The following SMC1A variants were observed in gnomAD, a reference collection of about 807,000 sequenced individuals.
SMC1A encodes the protein structural maintenance of chromosomes protein 1A.
Under a neutral mutation model 94.5 loss-of-function variants are expected in SMC1A, and 4 were observed. The ratio of observed to expected loss-of-function variants is 0.04; its 90% CI spans 0.02 to 0.10. SMC1A has a LOEUF of 0.10. Ranked by LOEUF, SMC1A falls within the 10% of genes least tolerant of loss-of-function variation. SMC1A has a pLI of 1.00. For synonymous variants in SMC1A, 345 were observed against 347.7 expected (o/e 0.99, Z 0.09); for missense variants, 304 against 989.0 (o/e 0.31, Z 9.29).
At chrX:53,394,731 T>TGGCCCCCCCCCCCCCCCCCC in intron 19 of SMC1A, 47 bp downstream of exon 19, 1 of 416,234 alleles carries the variant, frequency 2.4e-6, no homozygotes, top group Non-Finnish European at 4.4e-6. Context: ...ATAGTCCCAC[T>TGGCCCCCCCCCCCCCCCCCC]CCCACCCAAC....
At chrX:53,395,928 G>C (rs2075649269) in intron 18 of SMC1A, among the ~76,000 whole-genome samples, 1 of 111,008 alleles carries the variant, frequency 9.0e-6, no homozygotes, top group African/African-American at 3.3e-5. Flanking sequence ...TATAGCTCAG[G>C]TCCCTAAGGT....
In SMC1A at chrX:53,413,184, T is replaced by TG. The variant is rs782545926; in HGVS notation, c.615+47dup. ...TGGCAGGGGTGCATCGATAAGGCAC[T>TG]GGCTCCATCCTGGTCCCTCAGAGCC... On this transcript the variant is annotated intron_variant, in intron 4 of 24. Transcript: ENST00000322213. The TG allele has an allele frequency of 3.0e-4, 361 of 1,210,073 alleles. 3 individuals carry two copies. The highest frequency in any genetic ancestry group is 1.5e-4 in the Admixed American group (7 of 45,674).
intron 19 of SMC1A, among the ~76,000 whole-genome samples, chrX:53,391,957 T>C (rs2075631166): frequency 1.8e-5 from 2 of 110,345 alleles, no homozygotes; most frequent in South Asian, 3.9e-4. Context: ...TTACGACAAG[T>C]AGGCGTGACA....
intron 16 of SMC1A, among the ~76,000 whole-genome samples, chrX:53,397,158 T>G (rs2075654410): frequency 9.0e-6 from 1 of 111,553 alleles, no homozygotes; most frequent in African/African-American, 3.3e-5. Context: ...TTAAAGGGTC[T>G]GGAAGAATCA....
Position 53,383,262 on chromosome X carries a change from C to G in SMC1A, c.2974-9G>C. Reference sequence around the variant, plus strand: ...TCCTCAGCCTGGGCATCCTGTAAGCCCCAGGCCCAGCAATGTCAAGAAGGG... The same window carrying G: ...TCCTCAGCCTGGGCATCCTGTAAGCGCCAGGCCCAGCAATGTCAAGAAGGG... On this transcript the variant is annotated splice_polypyrimidine_tract_variant and intron_variant, in intron 19 of 24. Coordinates refer to ENST00000322213, the MANE Select transcript of SMC1A (RefSeq NM_006306.4). 3 of 1,166,632 alleles carry G rather than the reference C, an allele frequency of 2.6e-6. No individual in the cohort carries two copies. Among genetic ancestry groups the G allele is most frequent in the Non-Finnish European group, 3.4e-6 (3 of 872,882 alleles).
At position 53,405,916 on chromosome X, in the gene SMC1A, T is replaced by C. The variant is rs1569357187; in HGVS notation, c.1586A>G (p.Lys529Arg). Reference sequence around the variant, plus strand: ...AACCTTGGTTACAGCAATCTGATACTTCTTTTGTGTGGGCTGGCATAGGTC... The same window carrying C: ...AACCTTGGTTACAGCAATCTGATACCTCTTTTGTGTGGGCTGGCATAGGTC... ...LIDLCQPTQK[K>R]YQIAVTKVLG... Residue 529 changes from lysine to arginine, a missense_variant, in exon 10 of 25, where the codon AAG becomes AGG. By Grantham distance (26) the Lys-to-Arg change is conservative. Transcript: ENST00000322213. The C allele has an allele frequency of 4.1e-6, 5 of 1,211,774 alleles. No homozygotes were observed. The highest frequency in any genetic ancestry group is 3.4e-6 in the Non-Finnish European group (3 of 895,454).
chrX:53,415,256 G>A lies in SMC1A; in HGVS notation c.110-87C>T, dbSNP rs1602414595. On this transcript the variant is annotated intron_variant, in intron 1 of 24. Transcript: ENST00000322213. ...TAAAGATATTGAGATGAACAAAAAT[G>A]TCCCCTAATCACTCAGTACTCAGAC... 4 of 777,526 alleles carry A rather than the reference G, an allele frequency of 5.1e-6. No individual in the cohort carries two copies. In the East Asian group the frequency reaches 1.3e-4, roughly 25 times the overall value. 64.1% of individuals were successfully genotyped at this position (777,526 alleles called of 1,213,427 possible).
intron 1 of SMC1A, among the ~76,000 whole-genome samples, chrX:53,416,302 C>CAA (rs781824156): frequency 6.9e-5 from 4 of 58,080 alleles, no homozygotes; most frequent in African/African-American, 1.3e-4. Flanking sequence ...GACTCCATCT[C>CAA]AAAAAAAAAA....
intron 19 of SMC1A, among the ~76,000 whole-genome samples, chrX:53,389,419 GA>G (rs2146587981): frequency 9.0e-6 from 1 of 111,282 alleles, no homozygotes; most frequent in African/African-American, 3.3e-5. Context: ...GACCATCATG[GA>G]TGTGTAACAC....
intron 13 of SMC1A, 29 bp from the exon 14 acceptor site, chrX:53,403,922 C>T: frequency 9.6e-7 from 1 of 1,038,507 alleles, no homozygotes; most frequent in African/African-American, 1.8e-5. Context: ...GAGGACAAAG[C>T]AGACCAGGCT....
chrX:53,398,705 T>C (rs1169095745), intron 16 of SMC1A, among the ~76,000 whole-genome samples: 1 of 111,742 alleles, frequency 8.9e-6, no homozygotes, highest in Non-Finnish European at 1.9e-5. Context: ...TGTGTATTAC[T>C]AAAGTTTGAA....
rs1447414115 is a variant in SMC1A at position 53,382,969 on chromosome X, T to C, written c.3130+128A>G. 1.3e-5 allele frequency: 9 copies of C among 709,925 alleles called. No individual in the cohort carries two copies. The Admixed American group carries it at 2.5e-4, about 20-fold the overall frequency. 58.5% of individuals were successfully genotyped at this position (709,925 alleles called of 1,213,427 possible). On this transcript the variant is annotated intron_variant, in intron 20 of 24. Transcript: ENST00000322213. ...AGCAGGTGTAATAACCCCTACTGTT[T>C]AGGGCTCCTGAGAGTTTTAAGTAAG... is the stretch of plus-strand genomic sequence containing the variant.
At chrX:53,408,524 G>C (rs2075699218) in intron 9 of SMC1A, among the ~76,000 whole-genome samples, 1 of 111,698 alleles carries the variant, frequency 9.0e-6, no homozygotes, top group Non-Finnish European at 1.9e-5. Context: ...ACCCAGGTAT[G>C]GGATAATATT....
At position 53,415,143 on chromosome X, in the gene SMC1A, T is replaced by C; in HGVS notation, c.136A>G (p.Ser46Gly). The C allele has an allele frequency of 8.3e-7, 1 of 1,210,931 alleles. No individual in the cohort carries two copies. The change falls in exon 2 of 25, where the codon AGC (serine) becomes GGC (glycine). Residue 46 changes from serine to glycine, a missense_variant. Around this residue, in one of 11 missense-constraint regions of SMC1A, gnomAD observed 8 missense variants for 58.2 expected, o/e 0.14. Coordinates refer to ENST00000322213, the MANE Select transcript of SMC1A (RefSeq NM_006306.4). ...SGKSNLMDAI[S>G]FVLGEKTSNL... is the part of the protein sequence containing the mutation. ...CTGGTTTTTTCACCTAGCACAAAGC[T>C]GATGGCATCCATGAGATTTGACTTA...
rs1457113680 is a variant in SMC1A, at chrX:53,379,813, CCCA to C, written c.*287_*289del. 9.9e-6 allele frequency: 4 copies of C among 403,297 alleles called. No homozygotes were observed. Among genetic ancestry groups the C allele is most frequent in the Non-Finnish European group, 1.7e-5 (4 of 231,162 alleles). The allele number at this position is 403,297 out of a possible 1,213,427, so 33.2% of individuals were successfully genotyped here. A position where few individuals can be genotyped will look rare whatever the true frequency, so the allele number is the denominator to read the frequency against. Reference sequence around the variant, plus strand: ...CACAGTGGGCAAGAGGCCCAAGGGGCCCACGATTATGGGTGATGAGGGGGAGGA... The same window carrying C: ...CACAGTGGGCAAGAGGCCCAAGGGGCCGATTATGGGTGATGAGGGGGAGGA... On this transcript the variant is annotated 3_prime_UTR_variant, in exon 25 of 25. Coordinates refer to ENST00000322213, the MANE Select transcript of SMC1A (RefSeq NM_006306.4).
Position 53,412,932 on chromosome X carries a change from C to T in SMC1A, c.822G>A (p.Met274Ile). Residue 274 changes from methionine to isoleucine, a missense_variant, in exon 5 of 25, where the codon ATG becomes ATA. By Grantham distance (10) the Met-to-Ile change is conservative. Coordinates refer to ENST00000322213, the MANE Select transcript of SMC1A (RefSeq NM_006306.4). ...KEKKKELGKM[M>I]REQQQIEKEI... ...CCTTCTCAATCTGCTGCTGCTCCCG[C>T]ATCATTTTGCCCAGCTCCTTCTTCT... The T allele has an allele frequency of 1.7e-6, 2 of 1,196,258 alleles. No homozygotes were observed. Among genetic ancestry groups the T allele is most frequent in the Non-Finnish European group, 2.3e-6 (2 of 881,593 alleles).
At chrX:53,380,784 G>A (rs2075579404) in intron 23 of SMC1A, 54 bp from the exon 24 acceptor site, 1 of 884,368 alleles carries the variant, frequency 1.1e-6, no homozygotes, top group Non-Finnish European at 1.7e-6. Flanking sequence ...ACAGTCCCCA[G>A]TATTTTCCAG....
chrX:53,390,640 CA>C (rs782435496), intron 19 of SMC1A, among the ~76,000 whole-genome samples: 1 of 109,958 alleles, frequency 9.1e-6, no homozygotes, highest in Non-Finnish European at 1.9e-5. Context: ...AAAATAACAA[CA>C]AAAAAATAAA....
chrX:53,384,029 TG>T (rs1373291202), intron 19 of SMC1A, among the ~76,000 whole-genome samples: 1 of 111,167 alleles, frequency 9.0e-6, no homozygotes, highest in Non-Finnish European at 1.9e-5. Context: ...AGTTCTTGAG[TG>T]GTGAATGTTA....
Sources: gnomAD v4.1 joint callset for allele counts (sites outside exome capture counted in the v4.1 genomes callset) on GRCh38, gnomAD v4.1.1 for gene constraint, gnomAD v4.1.1 regional missense constraint, MANE v1.5 for transcripts, NCBI Gene and HGNC (gene_info 2026-07-23, HGNC 2026-07-21) for gene names.